CLCN5: variants seen among roughly 807,000 people sequenced by gnomAD.
CLCN5 encodes the protein H(+)/Cl(-) exchange transporter 5.
CLCN5 carries 17 observed loss-of-function variants against 54.0 expected under a neutral mutation model. That is an observed-to-expected ratio of 0.31 (90% CI 0.22 to 0.47). CLCN5 has a LOEUF of 0.47. CLCN5 is among the 20% of genes least tolerant of loss of function. The pLI is 1.00. For synonymous variants in CLCN5, 222 were observed against 233.0 expected, an observed-to-expected ratio of 0.95 and a Z score of 0.43; for missense variants, 448 against 646.7, an observed-to-expected ratio of 0.69 and a Z score of 3.33.
chrX:49,986,992 G>A (rs781815914), intron 3 of CLCN5, among the ~76,000 whole-genome samples: 1 of 112,121 alleles, frequency 8.9e-6, no homozygotes, highest in Non-Finnish European at 1.9e-5. Context: ...TGCTGAACTT[G>A]ATAATCTTCA....
chrX:50,027,724 G>GT (rs200949603), intron 3 of CLCN5, among the ~76,000 whole-genome samples: 10,470 of 85,571 alleles, frequency 0.12, 1,664 homozygotes, highest in African/African-American at 0.4. Flanking sequence ...TTCATGCAGT[G>GT]TTTTTTTTTT....
At chrX:50,070,051 TGGGTAAGTGTTA>T in intron 5 of CLCN5, 21 bp downstream of exon 5, 1 of 1,185,941 alleles carries the variant, frequency 8.4e-7, no homozygotes, top group South Asian at 1.8e-5. Flanking sequence ...AGATGGCACA[TGGGTAAGTGTTA>T]GGAAATACAG....
At chrX:50,080,767 G>A in intron 8 of CLCN5, 51 bp downstream of exon 8, 1 of 1,046,534 alleles carries the variant, frequency 9.6e-7, no homozygotes, top group Non-Finnish European at 1.3e-6. Context: ...ATACTTTTTG[G>A]TTAAAATCTC....
At chrX:49,932,919 C>G (rs1220577542) in intron 3 of CLCN5, among the ~76,000 whole-genome samples, 2 of 112,118 alleles carry the variant, frequency 1.8e-5, no homozygotes, top group East Asian at 2.8e-4. Flanking sequence ...TGTAAACACT[C>G]TGGTGATTTA....
rs1166988608 is a variant in CLCN5, at chrX:50,098,800, C to T, written c.*6581C>T. 8.9e-6 allele frequency: 1 copy of T among 112,739 alleles called. No homozygotes were observed. The highest frequency in any genetic ancestry group is 1.9e-5 in the Non-Finnish European group (1 of 53,329). 9.3% of individuals were successfully genotyped at this position (112,739 alleles called of 1,213,427 possible). ...CCTGAACCAGAGCTATGGCTCACTG[C>T]TCGCTTTATTCTACTCCCTAGTCAT... is the stretch of plus-strand genomic sequence containing the variant. On this transcript the variant is annotated 3_prime_UTR_variant, in exon 15 of 15. Coordinates refer to ENST00000376091, the MANE Select transcript of CLCN5 (RefSeq NM_001127898.4).
At chrX:49,935,892 C>T (rs1364743061) in intron 3 of CLCN5, among the ~76,000 whole-genome samples, 2 of 110,853 alleles carry the variant, frequency 1.8e-5, no homozygotes, top group Non-Finnish European at 3.8e-5. Context: ...AACTTGGTAA[C>T]ATGAAGGCCT....
At chrX:50,000,684 C>A (rs911778945) in intron 3 of CLCN5, among the ~76,000 whole-genome samples, 1 of 111,862 alleles carries the variant, frequency 8.9e-6, no homozygotes. Context: ...GCTTTGTGAT[C>A]CTAGACAAGT....
intron 7 of CLCN5, among the ~76,000 whole-genome samples, chrX:50,078,569 C>T (rs187459796): frequency 1.4e-4 from 16 of 112,494 alleles, no homozygotes; most frequent in Non-Finnish European, 3.0e-4. Flanking sequence ...TGTGCGCGCA[C>T]GCATGTAGTT....
chrX:49,931,042 C>T (rs1005578561), intron 3 of CLCN5, among the ~76,000 whole-genome samples: 63 of 111,244 alleles, frequency 5.7e-4, no homozygotes, highest in African/African-American at 2.0e-3. Flanking sequence ...CCAAACTTCC[C>T]AAGCCTAGGC....
chrX:49,954,779 G>A (rs1030576507), intron 3 of CLCN5, among the ~76,000 whole-genome samples: 3 of 111,831 alleles, frequency 2.7e-5, no homozygotes, highest in Admixed American at 1.9e-4. Flanking sequence ...GTAAATATTA[G>A]GGATGGACCT....
At chrX:50,056,321 C>G (rs1208750517) in intron 4 of CLCN5, among the ~76,000 whole-genome samples, 5 of 110,964 alleles carry the variant, frequency 4.5e-5, no homozygotes, top group African/African-American at 1.3e-4. Flanking sequence ...AAGGATTTCC[C>G]AACACTGTGG....
chrX:50,007,419 C>CTT (rs1930234127), intron 3 of CLCN5, among the ~76,000 whole-genome samples: 7 of 93,460 alleles, frequency 7.5e-5, no homozygotes, highest in African/African-American at 3.4e-4. Flanking sequence ...CTCTCTCTCT[C>CTT]TCTCTCTCTC....
chrX:49,946,677 T>C (rs1376434556), intron 3 of CLCN5, among the ~76,000 whole-genome samples: 1 of 111,136 alleles, frequency 9.0e-6, no homozygotes, highest in Admixed American at 9.6e-5. Flanking sequence ...CCTACTCACA[T>C]GTCCCACTCA....
At position 49,952,554 on chromosome X, in the gene CLCN5, A is replaced by G. The variant is rs1163863856; in HGVS notation, c.16+27240A>G. Among the ~76,000 whole-genome samples, 6 of 109,428 alleles carry G rather than the reference A, an allele frequency of 5.5e-5. No individual in the cohort carries two copies. In the East Asian group the frequency reaches 1.1e-3, roughly 21 times the overall value. Reference sequence around the variant, plus strand: ...TAATAGAGTTTTGCCCCATTAACATAGAATATGATTCAGTGACTCCTTCCT... The same window carrying G: ...TAATAGAGTTTTGCCCCATTAACATGGAATATGATTCAGTGACTCCTTCCT... On this transcript the variant is annotated intron_variant, in intron 3 of 14. Transcript: ENST00000376091.
intron 11 of CLCN5, 22 bp from the exon 12 acceptor site, chrX:50,088,676 A>G: frequency 8.4e-7 from 1 of 1,196,554 alleles, no homozygotes; most frequent in Non-Finnish European, 1.1e-6. Flanking sequence ...CTCACTAACC[A>G]TCTATTGGTT....
Position 50,085,702 on chromosome X carries a change from T to C in CLCN5, c.934-278T>C. The C allele has an allele frequency of 2.2e-5, 8 of 362,657 alleles. No individual in the cohort carries two copies. The South Asian group carries it at 3.0e-4, about 14-fold the overall frequency. The allele number at this position is 362,657 out of a possible 1,213,427, so 29.9% of individuals were successfully genotyped here. ...TCAAATGCAGTTACTGAATTGGGAG[T>C]ATGGGAGATAAGGGCGGGGGGGCGG... On this transcript the variant is annotated intron_variant, in intron 9 of 14. Transcript: ENST00000376091.
chrX:50,063,025 T>G (rs1746889192), intron 4 of CLCN5, among the ~76,000 whole-genome samples: 1 of 110,239 alleles, frequency 9.1e-6, no homozygotes, highest in South Asian at 3.9e-4. Flanking sequence ...AGAGGGAAAT[T>G]TATAGCACTA....
Position 50,099,106 on chromosome X carries a change from C to T in CLCN5, c.*6887C>T, listed in dbSNP as rs1602141459. On this transcript the variant is annotated 3_prime_UTR_variant, in exon 15 of 15. Coordinates refer to ENST00000376091, the MANE Select transcript of CLCN5 (RefSeq NM_001127898.4). ...TTAAAAGCAATGGAATGGACATTGG[C>T]AGAAGGGTTAATGGATTGTCCAGCC... The T allele has an allele frequency of 8.9e-6, 1 of 112,641 alleles. No individual in the cohort carries two copies. Among genetic ancestry groups the T allele is most frequent in the South Asian group, 3.7e-4 (1 of 2,683 alleles). The allele number at this position is 112,641 out of a possible 1,213,427, so 9.3% of individuals were successfully genotyped here.
At chrX:49,984,031 T>G (rs996669383) in intron 3 of CLCN5, among the ~76,000 whole-genome samples, 7 of 111,487 alleles carry the variant, frequency 6.3e-5, no homozygotes, top group Non-Finnish European at 1.3e-4. Flanking sequence ...GATATCTTTT[T>G]GGGGTTTTTC....
Sources: gnomAD v4.1 joint callset for allele counts (sites outside exome capture counted in the v4.1 genomes callset) on GRCh38, gnomAD v4.1.1 for gene constraint, MANE v1.5 for transcripts, NCBI Gene and HGNC (gene_info 2026-07-23, HGNC 2026-07-21) for gene names.